The following VWF variants were observed in gnomAD, a reference collection of about 807,000 sequenced individuals.
VWF encodes the protein von Willebrand factor.
Under a neutral mutation model 308.6 loss-of-function variants are expected in VWF, and 176 were observed. That is an observed-to-expected ratio of 0.57 (90% CI 0.50 to 0.65). The LOEUF (loss-of-function observed/expected upper bound fraction) is 0.65, where lower values mean the gene tolerates loss of function less well. Ranked by LOEUF, VWF falls within the 30% of genes least tolerant of loss-of-function variation. The pLI is 0.00. For synonymous variants in VWF, 1,385 were observed against 1,443.4 expected, an observed-to-expected ratio of 0.96 and a Z score of 0.92; for missense variants, 3,146 against 3,648.2, an observed-to-expected ratio of 0.86 and a Z score of 3.55.
intron 5 of VWF, among the ~76,000 whole-genome samples, chr12:6,102,831 A>G (rs1348195306): frequency 2.0e-5 from 3 of 152,268 alleles, no homozygotes; most frequent in East Asian, 3.8e-4. Context: ...TACAGATTCA[A>G]TGTAATCCTT....
In VWF at chr12:6,052,770, C is replaced by A. The variant is rs779846741; in HGVS notation, c.1959G>T (p.Pro653=). ...CGCACTGCAGGTACACCTGGCCTTTCGGGCAGTTCAGCTCTAGAAGAGAGA... is the reference window on the plus strand; with the variant it reads ...CGCACTGCAGGTACACCTGGCCTTTAGGGCAGTTCAGCTCTAGAAGAGAGA... ...REPGRCELNC[P]KGQVYLQCGT... The change falls in exon 16 of 52, where the codon CCG becomes CCT. Residue 653 remains proline, a synonymous_variant. Transcript: ENST00000261405. 2 of 1,602,502 alleles carry A rather than the reference C, an allele frequency of 1.2e-6. No homozygotes were observed. The highest frequency in any genetic ancestry group is 1.7e-5 in the Admixed American group (1 of 58,184).
chr12:6,002,818 T>C (rs749144553), intron 34 of VWF, among the ~76,000 whole-genome samples: 16 of 152,056 alleles, frequency 1.1e-4, no homozygotes, highest in Non-Finnish European at 2.2e-4. Flanking sequence ...TTAAAGCTTT[T>C]AATGAAACCA....
intron 47 of VWF, among the ~76,000 whole-genome samples, chr12:5,963,018 T>C (rs902528529): frequency 3.3e-5 from 5 of 152,198 alleles, no homozygotes; most frequent in African/African-American, 1.2e-4. Flanking sequence ...TAAACTATAA[T>C]GCTTCTAAAA....
At chr12:6,106,875 C>CAAA (rs201177758) in intron 5 of VWF, among the ~76,000 whole-genome samples, 33 of 34,738 alleles carry the variant, frequency 9.5e-4, no homozygotes, top group South Asian at 2.2e-3. Flanking sequence ...AACTCCGACT[C>CAAA]AAAAAAAAAA....
At chr12:6,081,003 C>G (rs1190662381) in intron 6 of VWF, among the ~76,000 whole-genome samples, 1 of 152,180 alleles carries the variant, frequency 6.6e-6, no homozygotes, top group Non-Finnish European at 1.5e-5. Context: ...CCAGGCATCT[C>G]TGGCTCTTAC....
intron 50 of VWF, 42 bp from the exon 51 acceptor site, chr12:5,949,925 G>T: frequency 6.3e-7 from 1 of 1,587,598 alleles, no homozygotes; most frequent in Non-Finnish European, 8.6e-7. Context: ...ACTGGCTGGG[G>T]TTCTAGAGAA....
chr12:5,958,897 GC>G (rs1943280630), intron 47 of VWF, among the ~76,000 whole-genome samples: 1 of 152,108 alleles, frequency 6.6e-6, no homozygotes, highest in Admixed American at 6.5e-5. Context: ...ACTAGAGACA[GC>G]CTAAGATGAG....
In VWF at chr12:6,052,648, T is replaced by A. The variant is rs771871090; in HGVS notation, c.2081A>T (p.Tyr694Phe). 1.9e-6 allele frequency: 3 copies of A among 1,614,128 alleles called. No homozygotes were observed. In the African/African-American group the frequency reaches 4.0e-5, roughly 22 times the overall value. Residue 694 changes from tyrosine (Y) to phenylalanine (F), a missense_variant, in exon 16 of 52, where the codon TAC becomes TTC. Tyr to Phe is a conservative substitution (Grantham distance 22, BLOSUM62 3). Around this residue, in one of 3 missense-constraint regions of VWF, gnomAD observed 1,304 missense variants for 1,353.0 expected, o/e 0.96. Transcript: ENST00000261405. Reference sequence around the variant, plus strand: ...CACGCAGTCCCCCCTCTCATCCATGTAGAGCCCTGGGGGGCAGAAGCAGCC... The same window carrying A: ...CACGCAGTCCCCCCTCTCATCCATGAAGAGCCCTGGGGGGCAGAAGCAGCC... ...LEGCFCPPGL[Y>F]MDERGDCVPK...
In VWF at chr12:5,967,171, C is replaced by T. The variant is rs192154614; in HGVS notation, c.7887+315G>A. Among the ~76,000 whole-genome samples, 129 of 152,192 alleles carry T rather than the reference C, an allele frequency of 8.5e-4. 1 individual carries two copies. The highest frequency in any genetic ancestry group is 3.4e-3 in the Middle Eastern group (1 of 294). On this transcript the variant is annotated intron_variant, in intron 47 of 51. Transcript: ENST00000261405. ...ACTAATTTTTAATATTTTCAAAGAA[C>T]GGTGGTGCTGTTTCTTAAAATACAT...
At chr12:6,033,166 A>G (rs1216572213) in intron 20 of VWF, among the ~76,000 whole-genome samples, 6 of 152,210 alleles carry the variant, frequency 3.9e-5, no homozygotes, top group Admixed American at 3.9e-4. Context: ...ATGCATGGCG[A>G]AGGTTAAAAG....
chr12:5,953,634 C>T, intron 47 of VWF, 40 bp from the exon 48 acceptor site: 4 of 1,520,384 alleles, frequency 2.6e-6, no homozygotes, highest in Non-Finnish European at 3.7e-6. Flanking sequence ...AGTTAACCTC[C>T]TTAAAACATC....
intron 6 of VWF, among the ~76,000 whole-genome samples, chr12:6,090,103 A>G (rs1330627207): frequency 2.0e-5 from 3 of 151,952 alleles, no homozygotes; most frequent in East Asian, 1.9e-4. Flanking sequence ...GACTACAGGC[A>G]CCTGCCACCA....
chr12:5,999,778 G>T (rs1943850786), intron 34 of VWF, among the ~76,000 whole-genome samples: 1 of 151,622 alleles, frequency 6.6e-6, no homozygotes, highest in Non-Finnish European at 1.5e-5. Context: ...AAACCACCTT[G>T]AATCAGAATT....
chr12:6,036,292 G>A (rs990923626), intron 19 of VWF, 96 bp downstream of exon 19: 1 of 1,043,882 alleles, frequency 9.6e-7, no homozygotes, highest in Non-Finnish European at 1.5e-6. Context: ...TTCCCACAGG[G>A]GGCTGGAGGC....
chr12:6,073,662 A>T lies in VWF; in HGVS notation c.954T>A (p.Asn318Lys), dbSNP rs1800387. The stretch of plus-strand genomic sequence containing the variant: ...CCACGCATCGCTCCTGACACATTTC[A>T]TTGATGTGCAGGCTCTGGCAGGTCC... ...CARTCQSLHI[N>K]EMCQERCVDG... The change falls in exon 8 of 52, where the codon AAT becomes AAA. Residue 318 changes from asparagine to lysine, a missense_variant. Physicochemically the swap from Asn to Lys is moderately conservative, Grantham distance 94. Transcript: ENST00000261405. The T allele has an allele frequency of 0.051, 82,283 of 1,613,830 alleles. 8,471 individuals carry two copies. The highest frequency in any genetic ancestry group is 0.44 in the African/African-American group (32,594 of 74,830).
intron 8 of VWF, 93 bp downstream of exon 8, chr12:6,073,526 G>A (rs571157895): frequency 2.0e-5 from 32 of 1,567,558 alleles, no homozygotes; most frequent in South Asian, 6.7e-5. Flanking sequence ...TTTCAGCAAC[G>A]GGGAGCAAAC....
Position 6,057,480 on chromosome 12 carries a change from T to TTTATTTTTTA in VWF, c.1729+368_1729+369insTAAAAAATAA, listed in dbSNP as rs113015394. On this transcript the variant is annotated intron_variant, in intron 14 of 51. Transcript: ENST00000261405. ...GGCGCGCCCCACCACGCCCGGCAAA[T>TTTATTTTTTA]TTATTATTATTATTATTATTATTAT... Among the ~76,000 whole-genome samples, 268 of 129,562 alleles carry TTTATTTTTTA rather than the reference T, an allele frequency of 2.1e-3. 1 individual carries two copies. The highest frequency in any genetic ancestry group is 2.8e-3 in the Non-Finnish European group (177 of 62,212). 85.0% of individuals were successfully genotyped at this position (129,562 alleles called of 152,430 possible).
intron 17 of VWF, among the ~76,000 whole-genome samples, chr12:6,045,495 G>T (rs1296572378): frequency 6.6e-6 from 1 of 152,134 alleles, no homozygotes; most frequent in Non-Finnish European, 1.5e-5. Context: ...ACAGAGAGTG[G>T]GTGTGGGGAA....
At position 6,123,175 on chromosome 12, in the gene VWF, C is replaced by A. The variant is rs201015235; in HGVS notation, c.22G>T (p.Gly8Trp). 1.2e-6 allele frequency: 2 copies of A among 1,614,176 alleles called. No individual in the cohort carries two copies. The highest frequency in any genetic ancestry group is 1.1e-5 in the South Asian group (1 of 91,084). The change falls in exon 2 of 52, where the codon GGG becomes TGG. Residue 8 changes from glycine to tryptophan, a missense_variant. Physicochemically the swap from Gly to Trp is radical, Grantham distance 184 (BLOSUM62 -2). Coordinates refer to ENST00000261405, the MANE Select transcript of VWF (RefSeq NM_000552.5). ...ATGAGGGCCAGAGCAAGCAGCACCC[C>A]GGCAAATCTGGCAGGAATCATCTGC... MIPARFA[G>W]VLLALALILP...
Sources: gnomAD v4.1 joint callset for allele counts (sites outside exome capture counted in the v4.1 genomes callset) on GRCh38, gnomAD v4.1.1 for gene constraint, gnomAD v4.1.1 regional missense constraint, MANE v1.5 for transcripts, NCBI Gene and HGNC (gene_info 2026-07-23, HGNC 2026-07-21) for gene names.